Variants in LRIG2 observed in about 807,000 individuals in gnomAD.
The protein encoded by LRIG2 is leucine rich repeats and immunoglobulin like domains 2, also known as leucine-rich repeats and immunoglobulin-like domains protein 2.
A neutral mutation model predicts 107.8 loss-of-function variants in LRIG2; 93 were observed. The observed-to-expected ratio is 0.86, with a 90% CI of 0.73 to 1.03. The LOEUF (loss-of-function observed/expected upper bound fraction) is 1.03, where lower values mean the gene tolerates loss of function less well. Ranked by LOEUF, LRIG2 falls within the 50% of genes least tolerant of loss-of-function variation. The pLI is 0.00. For synonymous variants in LRIG2, 471 were observed against 470.6 expected (o/e 1.00, Z -0.01); for missense variants, 1,226 against 1,296.0 (o/e 0.95, Z 0.83).
At chr1:113,089,456 A>C (rs533730934) in intron 1 of LRIG2, among the ~76,000 whole-genome samples, 4 of 152,190 alleles carry the variant, frequency 2.6e-5, no homozygotes, top group Non-Finnish European at 4.4e-5. Context: ...GTGTGACCTT[A>C]GATTGGCCAA....
intron 1 of LRIG2, among the ~76,000 whole-genome samples, chr1:113,084,040 A>ATAATAT (rs539594494): frequency 0.059 from 7,605 of 128,884 alleles, 426 homozygotes; most frequent in Middle Eastern, 0.11. Flanking sequence ...AATAATAATA[A>ATAATAT]TATTGGCCTT....
rs763433653 is a variant in LRIG2 at position 113,119,356 on chromosome 1, C to G, written c.2804C>G (p.Ser935Cys). ...GAGGACGTTCTTGATCAGACACTGT[C>G]CAGCCTCATGGTCCAAATGCCTAAA... Reference protein sequence around the residue: ...AEEDVLDQTLSSLMVQMPKET... With the variant: ...AEEDVLDQTLCSLMVQMPKET... The change falls in exon 17 of 18, where the codon TCC (serine) becomes TGC (cysteine). Residue 935 changes from serine (S) to cysteine (C), a missense_variant. Physicochemically the swap from Ser to Cys is moderately radical, Grantham distance 112. Around this residue, in one of 3 missense-constraint regions of LRIG2, gnomAD observed 642 missense variants for 712.2 expected, o/e 0.90. Transcript: ENST00000361127. 1.5e-5 allele frequency: 24 copies of G among 1,614,002 alleles called. No individual in the cohort carries two copies. Among genetic ancestry groups the G allele is most frequent in the Non-Finnish European group, 2.0e-5 (24 of 1,180,004 alleles).
At chr1:113,088,473 A>T (rs1188649056) in intron 1 of LRIG2, among the ~76,000 whole-genome samples, 2 of 152,230 alleles carry the variant, frequency 1.3e-5, no homozygotes, top group Non-Finnish European at 2.9e-5. Flanking sequence ...TATGTGGGTC[A>T]ATGATTATTG....
Position 113,073,310 on chromosome 1 carries a change from G to C in LRIG2, c.-97G>C, listed in dbSNP as rs1185985619. ...ACAGCCTTCAGCCGGGGCTTCGGGA[G>C]ACAGTGCAGCCACCGAGCATCTCTG... is the stretch of plus-strand genomic sequence containing the variant. On this transcript the variant is annotated 5_prime_UTR_variant, in exon 1 of 18. Transcript: ENST00000361127. 4.0e-6 allele frequency: 4 copies of C among 992,618 alleles called. No homozygotes were observed. The highest frequency in any genetic ancestry group is 6.2e-6 in the Non-Finnish European group (4 of 641,080). The allele number at this position is 992,618 out of a possible 1,614,324, so 61.5% of individuals were successfully genotyped here. A position where few individuals can be genotyped will look rare whatever the true frequency, so the allele number is the denominator to read the frequency against.
rs994030514 is a variant in LRIG2 at position 113,130,707 on chromosome 1, T to A, written c.*6606T>A. ...GCAATCTGATAGTCTTAAAACTTTG[T>A]CCTTTCTAAGTCCTTTGTATTCATT... On this transcript the variant is annotated 3_prime_UTR_variant, in exon 18 of 18. Coordinates refer to ENST00000361127, the MANE Select transcript of LRIG2 (RefSeq NM_014813.3). 2.0e-5 allele frequency: 3 copies of A among 152,198 alleles called. No individual in the cohort carries two copies. The highest frequency in any genetic ancestry group is 7.2e-5 in the African/African-American group (3 of 41,450). The allele number at this position is 152,198 out of a possible 1,614,324, so 9.4% of individuals were successfully genotyped here. A position where few individuals can be genotyped will look rare whatever the true frequency, so the allele number is the denominator to read the frequency against.
At position 113,125,141 on chromosome 1, in the gene LRIG2, G is replaced by T. The variant is rs997688185; in HGVS notation, c.*1040G>T. The T allele has an allele frequency of 2.0e-5, 3 of 152,130 alleles. No homozygotes were observed. Among genetic ancestry groups the T allele is most frequent in the Non-Finnish European group, 4.4e-5 (3 of 68,028 alleles). The allele number at this position is 152,130 out of a possible 1,614,324, so 9.4% of individuals were successfully genotyped here. Reference sequence around the variant, plus strand: ...TGTGAAGCCACTGCATCCCAGCCTGGGTGACAGAGTGAGGCCCTGGCTCAA... The same window carrying T: ...TGTGAAGCCACTGCATCCCAGCCTGTGTGACAGAGTGAGGCCCTGGCTCAA... On this transcript the variant is annotated 3_prime_UTR_variant, in exon 18 of 18. Coordinates refer to ENST00000361127, the MANE Select transcript of LRIG2 (RefSeq NM_014813.3).
In LRIG2 at chr1:113,094,452, A is replaced by G. The variant is rs781720494; in HGVS notation, c.629A>G (p.Lys210Arg). 4 of 1,611,596 alleles carry G rather than the reference A, an allele frequency of 2.5e-6. No homozygotes were observed. Among genetic ancestry groups the G allele is most frequent in the African/African-American group, 1.3e-5 (1 of 74,856 alleles). Residue 210 changes from lysine to arginine, a missense_variant, in exon 5 of 18, where the codon AAG (lysine) becomes AGG (arginine). By Grantham distance (26) the Lys-to-Arg change is conservative. Transcript: ENST00000361127. ...NRNRMSMIPP[K>R]IFKLPHLQFL... is the part of the protein sequence containing the mutation. ...AACCGAATGAGCATGATTCCACCTA[A>G]GATCTTCAAGCTGCCTCACCTCCAA...
rs1655681025 is a variant in LRIG2 at position 113,130,819 on chromosome 1, C to A, written c.*6718C>A. ...TGTTCGTAGCTGGGAACATGAAACA[C>A]AAAATTCTGGGTTTAATCTTCTGAA... On this transcript the variant is annotated 3_prime_UTR_variant, in exon 18 of 18. Transcript: ENST00000361127. 1 of 152,172 alleles carries A rather than the reference C, an allele frequency of 6.6e-6. No homozygotes were observed. The highest frequency in any genetic ancestry group is 1.5e-5 in the Non-Finnish European group (1 of 68,026). 9.4% of individuals were successfully genotyped at this position (152,172 alleles called of 1,614,324 possible).
chr1:113,120,944 G>A (rs1224843628), intron 17 of LRIG2, among the ~76,000 whole-genome samples: 1 of 151,862 alleles, frequency 6.6e-6, no homozygotes, highest in East Asian at 1.9e-4. Flanking sequence ...TCAGCCTCCT[G>A]AGTAGCTGGG....
chr1:113,097,360 T>C (rs12128658), intron 8 of LRIG2, among the ~76,000 whole-genome samples: 2,100 of 152,146 alleles, frequency 0.014, 19 homozygotes, highest in East Asian at 0.033. Context: ...CGAGTTGAAA[T>C]GGTTCAGAGA....
At chr1:113,099,231 G>C (rs1654201306) in intron 9 of LRIG2, among the ~76,000 whole-genome samples, 3 of 41,782 alleles carry the variant, frequency 7.2e-5, no homozygotes, top group Non-Finnish European at 1.5e-4. Context: ...CACTGAACTT[G>C]GCTGGTTTTT....
chr1:113,118,613 T>C (rs1455280893), intron 16 of LRIG2, among the ~76,000 whole-genome samples: 2 of 152,054 alleles, frequency 1.3e-5, no homozygotes, highest in East Asian at 3.9e-4. Flanking sequence ...TTCAAGAGCA[T>C]GGGCTCTGGA....
rs1461141016 is a variant in LRIG2, at chr1:113,124,069, C to T, written c.3166C>T (p.Arg1056Trp). Reference sequence around the variant, plus strand: ...TCATGCTTTTGATTTTAGTAGGACTCGGAACATTCAAGATGGTAGTGAGGG... The same window carrying T: ...TCATGCTTTTGATTTTAGTAGGACTTGGAACATTCAAGATGGTAGTGAGGG... ...QDHAFDFSRT[R>W]NIQDGSEGT is the part of the protein sequence containing the mutation. Residue 1056 changes from arginine (R) to tryptophan (W), a missense_variant, in exon 18 of 18, where the codon CGG becomes TGG. Arg to Trp is a moderately radical substitution (Grantham distance 101). This residue lies in a region of LRIG2 where 642 missense variants were observed against 712.2 expected (regional missense o/e 0.90). Coordinates refer to ENST00000361127, the MANE Select transcript of LRIG2 (RefSeq NM_014813.3). The T allele has an allele frequency of 8.1e-6, 13 of 1,613,970 alleles. No individual in the cohort carries two copies. Among genetic ancestry groups the T allele is most frequent in the East Asian group, 6.7e-5 (3 of 44,890 alleles).
intron 1 of LRIG2, among the ~76,000 whole-genome samples, chr1:113,082,889 C>G (rs1160699118): frequency 6.6e-6 from 1 of 152,100 alleles, no homozygotes; most frequent in Non-Finnish European, 1.5e-5. Context: ...CTCCTGACCT[C>G]AGGTGATCCA....
In LRIG2 at chr1:113,123,505, C is replaced by T. The variant is rs190967941; in HGVS notation, c.2972-370C>T. On this transcript the variant is annotated intron_variant, in intron 17 of 17. Coordinates refer to ENST00000361127, the MANE Select transcript of LRIG2 (RefSeq NM_014813.3). ...AGTAGAATTGTGTGAACCCGGGAGG[C>T]GGAGGTTGCGGTGAGCCGAGATGAC... 4.1e-3 allele frequency among the ~76,000 whole-genome samples: 628 copies of T among 152,126 alleles called. 1 individual carries two copies. The highest frequency in any genetic ancestry group is 7.3e-3 in the Non-Finnish European group (493 of 67,980).
At chr1:113,094,013 G>T (rs1557903954) in intron 4 of LRIG2, among the ~76,000 whole-genome samples, 2 of 150,678 alleles carry the variant, frequency 1.3e-5, no homozygotes, top group East Asian at 3.9e-4. Flanking sequence ...AATTTTGTTT[G>T]TTTTTTTTTG....
chr1:113,123,738 T>G, intron 17 of LRIG2, 137 bp from the exon 18 acceptor site: 1 of 638,358 alleles, frequency 1.6e-6, no homozygotes. Context: ...TGTGTGTGTG[T>G]GTGTGTGTGT....
chr1:113,095,882 A>G lies in LRIG2; in HGVS notation c.812A>G (p.Glu271Gly), dbSNP rs370168930. ...GLNNMEELEL[E>G]HNNLTRVNKG... ...TTTCTCTAATTCTGCAGAGAACTGGAACACAACAACCTTACACGAGTAAAC... is the reference window on the plus strand; with the variant it reads ...TTTCTCTAATTCTGCAGAGAACTGGGACACAACAACCTTACACGAGTAAAC... The change falls in exon 7 of 18, where the codon GAA (glutamate) becomes GGA (glycine). Residue 271 changes from glutamate to glycine, a missense_variant. Glu to Gly is a moderately conservative substitution (Grantham distance 98). This residue lies in a region of LRIG2 where 570 missense variants were observed against 550.2 expected (regional missense o/e 1.04). Transcript: ENST00000361127. 7 of 1,614,092 alleles carry G rather than the reference A, an allele frequency of 4.3e-6. No individual in the cohort carries two copies. Among genetic ancestry groups the G allele is most frequent in the Non-Finnish European group, 5.9e-6 (7 of 1,180,048 alleles).
intron 1 of LRIG2, among the ~76,000 whole-genome samples, chr1:113,080,991 G>A (rs1459209017): frequency 6.6e-6 from 1 of 151,444 alleles, no homozygotes; most frequent in Non-Finnish European, 1.5e-5. Flanking sequence ...TTACAGGCAT[G>A]CACCACACGC....
Sources: allele counts gnomAD v4.1 joint callset (sites outside exome capture counted in the v4.1 genomes callset), GRCh38; gene constraint gnomAD v4.1.1; regional missense constraint gnomAD v4.1.1; transcripts MANE v1.5; gene names NCBI Gene and HGNC (gene_info 2026-07-23, HGNC 2026-07-21).